Variants in WDR59 observed in about 807,000 individuals in gnomAD.
The protein encoded by WDR59 is GATOR2 complex protein WDR59.
WDR59 carries 100 observed loss-of-function variants against 131.2 expected under a neutral mutation model. The observed-to-expected ratio is 0.76, with a 90% CI of 0.65 to 0.90. The LOEUF (loss-of-function observed/expected upper bound fraction) is 0.90, where lower values mean the gene tolerates loss of function less well. Ranked by LOEUF, WDR59 falls within the 40% of genes least tolerant of loss-of-function variation. The pLI is 0.00. For synonymous variants in WDR59, 601 were observed against 466.2 expected (o/e 1.29, Z -3.72); for missense variants, 1,203 against 1,262.2 (o/e 0.95, Z 0.71).
chr16:74,953,863 A>G (rs1188210259), intron 3 of WDR59, among the ~76,000 whole-genome samples: 1 of 151,838 alleles, frequency 6.6e-6, no homozygotes, highest in Non-Finnish European at 1.5e-5. Flanking sequence ...TTAGCCGGGC[A>G]TGGTGGTGGA....
intron 1 of WDR59, among the ~76,000 whole-genome samples, chr16:74,977,440 G>A (rs1333750475): frequency 1.3e-5 from 2 of 152,082 alleles, no homozygotes; most frequent in Non-Finnish European, 2.9e-5. Context: ...TGTAATCCCA[G>A]CACTTTGGGA....
intron 4 of WDR59, 46 bp downstream of exon 4, chr16:74,951,412 G>T: frequency 6.5e-7 from 1 of 1,542,606 alleles, no homozygotes; most frequent in Non-Finnish European, 8.8e-7. Flanking sequence ...CCAGGGGACT[G>T]TGACAAAGCA....
Position 74,928,765 on chromosome 16 carries a change from C to T in WDR59, c.652-4762G>A, listed in dbSNP as rs145876809. Among the ~76,000 whole-genome samples, 1,260 of 151,970 alleles carry T rather than the reference C, an allele frequency of 8.3e-3. 13 individuals carry two copies. Among genetic ancestry groups the T allele is most frequent in the Middle Eastern group, 0.014 (4 of 294 alleles). The stretch of plus-strand genomic sequence containing the variant: ...GAAAAAAGAAAATACAAAAATAATC[C>T]GGGTGTGGTGGTGTGCATCTGTAAT... On this transcript the variant is annotated intron_variant, in intron 8 of 25. Transcript: ENST00000262144.
intron 18 of WDR59, among the ~76,000 whole-genome samples, chr16:74,897,962 A>C (rs1965372754): frequency 6.6e-6 from 1 of 152,200 alleles, no homozygotes; most frequent in East Asian, 1.9e-4. Flanking sequence ...ATCTCAAATC[A>C]GGTCAGATAC....
At chr16:74,981,652 A>ATTTT (rs1567450950) in intron 1 of WDR59, among the ~76,000 whole-genome samples, 1 of 7,718 alleles carries the variant, frequency 1.3e-4, no homozygotes, top group Admixed American at 2.4e-3. Context: ...ATATATATAT[A>ATTTT]TATATATATT....
At chr16:74,978,694 T>G (rs2034285007) in intron 1 of WDR59, among the ~76,000 whole-genome samples, 2 of 152,086 alleles carry the variant, frequency 1.3e-5, no homozygotes, top group Admixed American at 1.3e-4. Context: ...GTTACATGAC[T>G]ACATCCATTT....
At chr16:74,958,728 G>GAA (rs2033426084) in intron 2 of WDR59, among the ~76,000 whole-genome samples, 1 of 151,540 alleles carries the variant, frequency 6.6e-6, no homozygotes, top group Non-Finnish European at 1.5e-5. Flanking sequence ...GGTAGGGCTA[G>GAA]AAGACAACAA....
chr16:74,916,463 T>C (rs1966392074), intron 11 of WDR59, among the ~76,000 whole-genome samples: 1 of 152,200 alleles, frequency 6.6e-6, no homozygotes, highest in Non-Finnish European at 1.5e-5. Context: ...TATTCAACAC[T>C]GGAAATTTTT....
intron 8 of WDR59, among the ~76,000 whole-genome samples, chr16:74,926,227 T>A (rs537068276): frequency 1.3e-5 from 2 of 151,844 alleles, no homozygotes; most frequent in African/African-American, 4.8e-5. Flanking sequence ...GCCTGGCTAA[T>A]TTTTTGTATT....
At position 74,965,801 on chromosome 16, in the gene WDR59, A is replaced by C; in HGVS notation, c.76T>G (p.Cys26Gly). 1 of 1,614,170 alleles carries C rather than the reference A, an allele frequency of 6.2e-7. No individual in the cohort carries two copies. The highest frequency in any genetic ancestry group is 1.3e-5 in the African/African-American group (1 of 75,054). Residue 26 changes from cysteine (C) to glycine (G), a missense_variant, in exon 2 of 26, where the codon TGT (cysteine) becomes GGT (glycine). Transcript: ENST00000262144. The stretch of plus-strand genomic sequence containing the variant: ...GAAAGCACTGCATGCTGCCCAAGAC[A>C]GTCCACAGACATCGCAGTTGCCTGA... ...DSQATAMSVD[C>G]LGQHAVLSGR...
At position 74,960,426 on chromosome 16, in the gene WDR59, T is replaced by C. The variant is rs547163617; in HGVS notation, c.105-3816A>G. ...CAAGATATCCAACATTGACTACTAG[T>C]AGGAATTCCAACAAGAAAGAATGAG... On this transcript the variant is annotated intron_variant, in intron 2 of 25. Coordinates refer to ENST00000262144, the MANE Select transcript of WDR59 (RefSeq NM_030581.4). Among the ~76,000 whole-genome samples, 3 of 151,398 alleles carry C rather than the reference T, an allele frequency of 2.0e-5. No homozygotes were observed. In the South Asian group the frequency reaches 6.3e-4, roughly 32 times the overall value.
At chr16:74,950,171 G>C (rs964139398) in intron 4 of WDR59, among the ~76,000 whole-genome samples, 1 of 152,010 alleles carries the variant, frequency 6.6e-6, no homozygotes, top group African/African-American at 2.4e-5. Context: ...GTGAAACCCC[G>C]TCTCTACTAA....
At chr16:74,883,248 C>G (rs938881955) in intron 25 of WDR59, among the ~76,000 whole-genome samples, 1 of 152,118 alleles carries the variant, frequency 6.6e-6, no homozygotes, top group Non-Finnish European at 1.5e-5. Flanking sequence ...TGGTCTCAAT[C>G]TCCTGACCTC....
chr16:74,976,816 GAGACCAGCCTGGCCAACATGGCTCT>G (rs2145240157), intron 1 of WDR59, among the ~76,000 whole-genome samples: 1 of 152,138 alleles, frequency 6.6e-6, no homozygotes, highest in African/African-American at 2.4e-5. Flanking sequence ...CCAGGAGTTC[GAGACCAGCCTGGCCAACATGGCTCT>G]ATAAAAAATA....
At chr16:74,975,793 C>T (rs914260056) in intron 1 of WDR59, among the ~76,000 whole-genome samples, 2 of 151,956 alleles carry the variant, frequency 1.3e-5, no homozygotes, top group Non-Finnish European at 2.9e-5. Flanking sequence ...CAGTCTGGCA[C>T]GAAATCCTTA....
chr16:74,940,957 GCCTCCCAAA>G (rs2032174475), intron 7 of WDR59, among the ~76,000 whole-genome samples: 1 of 152,026 alleles, frequency 6.6e-6, no homozygotes, highest in Admixed American at 6.5e-5. Context: ...ACCCGCCTCA[GCCTCCCAAA>G]GTGCTGGGAT....
chr16:74,972,861 G>T, intron 1 of WDR59, among the ~76,000 whole-genome samples: 1 of 123,696 alleles, frequency 8.1e-6, no homozygotes, highest in African/African-American at 2.9e-5. Context: ...AGGTTTTACA[G>T]ACTAAAGCCA....
At chr16:74,935,851 G>C (rs1324766668) in intron 8 of WDR59, among the ~76,000 whole-genome samples, 6 of 152,054 alleles carry the variant, frequency 3.9e-5, no homozygotes, top group Non-Finnish European at 7.4e-5. Context: ...ACAAAAGTTA[G>C]CTGGACATGG....
intron 1 of WDR59, among the ~76,000 whole-genome samples, chr16:74,975,586 C>A (rs962644588): frequency 2.0e-5 from 3 of 151,490 alleles, no homozygotes; most frequent in East Asian, 3.9e-4. Context: ...ATTGCTTGAA[C>A]CTGGGAGGTG....
Sources: gnomAD v4.1 joint callset for allele counts (sites outside exome capture counted in the v4.1 genomes callset) on GRCh38, gnomAD v4.1.1 for gene constraint, MANE v1.5 for transcripts, NCBI Gene and HGNC (gene_info 2026-07-23, HGNC 2026-07-21) for gene names.